The following FAM114A1 variants were observed in gnomAD, a reference collection of about 807,000 sequenced individuals.
FAM114A1 encodes the protein protein NOXP20.
A neutral mutation model predicts 64.3 loss-of-function variants in FAM114A1; 62 were observed. The observed-to-expected ratio is 0.96, with a 90% CI of 0.79 to 1.19. FAM114A1 has a LOEUF of 1.19. Ranked by LOEUF, FAM114A1 falls within the 50% of genes most tolerant of loss-of-function variation. FAM114A1 has a pLI of 0.00. For synonymous variants in FAM114A1, 254 were observed against 251.1 expected (o/e 1.01, Z -0.11); for missense variants, 645 against 676.3 (o/e 0.95, Z 0.51).
chr4:38,907,139 CT>C (rs2109682963), intron 6 of FAM114A1, among the ~76,000 whole-genome samples: 1 of 152,296 alleles, frequency 6.6e-6, no homozygotes, highest in African/African-American at 2.4e-5. Flanking sequence ...AATGACTGGT[CT>C]TCTCCTTGCT....
intron 13 of FAM114A1, among the ~76,000 whole-genome samples, chr4:38,939,128 A>C (rs1034141620): frequency 6.6e-6 from 1 of 152,208 alleles, no homozygotes; most frequent in Non-Finnish European, 1.5e-5. Context: ...CCCATATTTT[A>C]TGTAGCAAGG....
chr4:38,935,387 C>T (rs958448662), intron 12 of FAM114A1, among the ~76,000 whole-genome samples: 7 of 151,938 alleles, frequency 4.6e-5, no homozygotes, highest in African/African-American at 1.2e-4. Flanking sequence ...GGAAACCAGC[C>T]GTCTGGCCAG....
chr4:38,899,544 A>G (rs1267232162), intron 4 of FAM114A1, among the ~76,000 whole-genome samples: 2 of 152,238 alleles, frequency 1.3e-5, no homozygotes, highest in Non-Finnish European at 2.9e-5. Flanking sequence ...GTGTGTGCTG[A>G]GACTTCAACT....
chr4:38,919,440 C>G (rs191935873), intron 8 of FAM114A1, among the ~76,000 whole-genome samples: 1 of 152,166 alleles, frequency 6.6e-6, no homozygotes, highest in African/African-American at 2.4e-5. Context: ...TTAGCTATCC[C>G]GTGGGCTGAG....
chr4:38,890,655 TAGAAAG>T (rs1357864545), intron 3 of FAM114A1, among the ~76,000 whole-genome samples: 1 of 152,128 alleles, frequency 6.6e-6, no homozygotes, highest in Non-Finnish European at 1.5e-5. Flanking sequence ...TGTTCCCAGA[TAGAAAG>T]AGAAAGCTGT....
intron 10 of FAM114A1, 112 bp from the exon 11 acceptor site, chr4:38,931,339 C>A: frequency 1.6e-6 from 2 of 1,282,160 alleles, no homozygotes; most frequent in Non-Finnish European, 2.1e-6. Flanking sequence ...TCCAAACATA[C>A]AGAGATCCAT....
chr4:38,935,496 A>G (rs1030111481), intron 12 of FAM114A1, among the ~76,000 whole-genome samples: 5 of 152,196 alleles, frequency 3.3e-5, no homozygotes, highest in African/African-American at 1.2e-4. Flanking sequence ...ATTATTCTTT[A>G]ATTAAGCATG....
chr4:38,894,231 C>T (rs998792553), intron 4 of FAM114A1, among the ~76,000 whole-genome samples: 9 of 150,876 alleles, frequency 6.0e-5, no homozygotes, highest in South Asian at 2.1e-4. Context: ...TGACTTGATC[C>T]GACGTCATTG....
chr4:38,870,773 A>C (rs1713973438), intron 2 of FAM114A1, among the ~76,000 whole-genome samples: 1 of 152,216 alleles, frequency 6.6e-6, no homozygotes, highest in African/African-American at 2.4e-5. Context: ...CAGGAAACAC[A>C]GTGCTTGTCA....
chr4:38,916,524 A>G (rs560191885), intron 8 of FAM114A1, among the ~76,000 whole-genome samples: 2 of 152,330 alleles, frequency 1.3e-5, no homozygotes, highest in East Asian at 3.9e-4. Flanking sequence ...ACATGGATGA[A>G]GCTGGAAACC....
At chr4:38,929,121 G>A (rs941703566) in intron 9 of FAM114A1, 121 bp from the exon 10 acceptor site, 65 of 733,940 alleles carry the variant, frequency 8.9e-5, no homozygotes, top group Middle Eastern at 2.7e-4. Context: ...AGCGGCTGGC[G>A]GGCAGGCTGC....
chr4:38,926,840 C>CT (rs1222945346), intron 9 of FAM114A1, among the ~76,000 whole-genome samples: 2 of 152,212 alleles, frequency 1.3e-5, no homozygotes, highest in African/African-American at 4.8e-5. Context: ...AATGCATTCT[C>CT]TTTCTTGAAG....
At chr4:38,903,043 C>G (rs11931858) in intron 4 of FAM114A1, among the ~76,000 whole-genome samples, 2,403 of 151,584 alleles carry the variant, frequency 0.016, 81 homozygotes, top group African/African-American at 0.054. Context: ...TTTTGTAAAG[C>G]TGAACTTTAT....
chr4:38,907,423 C>T (rs1363814313), intron 6 of FAM114A1, among the ~76,000 whole-genome samples: 1 of 152,198 alleles, frequency 6.6e-6, no homozygotes, highest in Admixed American at 6.5e-5. Context: ...CCAGACACTA[C>T]CCCTCCAAGT....
intron 2 of FAM114A1, among the ~76,000 whole-genome samples, chr4:38,875,782 T>C (rs1714553604): frequency 6.6e-6 from 1 of 152,252 alleles, no homozygotes; most frequent in East Asian, 1.9e-4. Flanking sequence ...GGTATGATGT[T>C]AGCTGTGGGT....
chr4:38,920,760 T>G (rs1421637323), intron 8 of FAM114A1, among the ~76,000 whole-genome samples: 1 of 152,234 alleles, frequency 6.6e-6, no homozygotes, highest in African/African-American at 2.4e-5. Context: ...AATACGTTGA[T>G]GCACATCTGG....
chr4:38,879,210 A>C (rs990393552), intron 3 of FAM114A1, among the ~76,000 whole-genome samples: 1 of 152,208 alleles, frequency 6.6e-6, no homozygotes, highest in South Asian at 2.1e-4. Flanking sequence ...TCCTGTCTGG[A>C]ATGGACTGCC....
chr4:38,882,701 C>T lies in FAM114A1; in HGVS notation c.348+4275C>T, dbSNP rs181404172. Among the ~76,000 whole-genome samples the T allele has an allele frequency of 1.5e-3, 234 of 152,210 alleles. 1 individual carries two copies. The highest frequency in any genetic ancestry group is 4.1e-3 in the African/African-American group (171 of 41,526). The stretch of plus-strand genomic sequence containing the variant: ...AAACGGGCAGAATAGACTTTGAGGA[C>T]GTACTTCTAAGGCACATTAGATTTT... On this transcript the variant is annotated intron_variant, in intron 3 of 14. Coordinates refer to ENST00000358869, the MANE Select transcript of FAM114A1 (RefSeq NM_138389.4).
rs932585607 is a variant in FAM114A1 at position 38,931,444 on chromosome 4, T to C, written c.1162-7T>C. ...TAAAAGGATTGTTTGGTTGGGGACC[T>C]CTGCAGGCCATGAAGAGGGCTCATG... On this transcript the variant is annotated splice_region_variant and splice_polypyrimidine_tract_variant and intron_variant, in intron 10 of 14. Coordinates refer to ENST00000358869, the MANE Select transcript of FAM114A1 (RefSeq NM_138389.4). 2 of 1,598,994 alleles carry C rather than the reference T, an allele frequency of 1.3e-6. No homozygotes were observed. The highest frequency in any genetic ancestry group is 1.7e-6 in the Non-Finnish European group (2 of 1,175,726).
Sources: gnomAD v4.1 joint callset for allele counts (sites outside exome capture counted in the v4.1 genomes callset) on GRCh38, gnomAD v4.1.1 for gene constraint, MANE v1.5 for transcripts, NCBI Gene and HGNC (gene_info 2026-07-23, HGNC 2026-07-21) for gene names.